COL6A2: variants seen among roughly 807,000 people sequenced by gnomAD.
The protein encoded by COL6A2 is collagen alpha-2(VI) chain.
In COL6A2, 90 loss-of-function variants were observed where a neutral mutation model predicts 124.9. The ratio of observed to expected loss-of-function variants is 0.72; its 90% CI spans 0.61 to 0.86. The LOEUF (loss-of-function observed/expected upper bound fraction) is 0.86. Ranked by LOEUF, COL6A2 falls within the 40% of genes least tolerant of loss-of-function variation. COL6A2 has a pLI of 0.00. For synonymous variants in COL6A2, 793 were observed against 618.2 expected, an observed-to-expected ratio of 1.28 and a Z score of -4.19; for missense variants, 1,607 against 1,502.5, an observed-to-expected ratio of 1.07 and a Z score of -1.15.
At position 46,121,066 on chromosome 21, in the gene COL6A2, C is replaced by G. The variant is rs2078558552; in HGVS notation, c.1401C>G (p.Asp467Glu). The G allele has an allele frequency of 1.2e-6, 2 of 1,612,766 alleles. No homozygotes were observed. The highest frequency in any genetic ancestry group is 8.5e-7 in the Non-Finnish European group (1 of 1,179,914). The part of the protein sequence containing the change: ...GEVGNKGAKG[D>E]RGLPGPRGPQ... Reference sequence around the variant, plus strand: ...ATTCCTCCCCTTTCTTCCAGGGAGACCGAGGCTTGCCTGGACCCAGAGGCC... The same window carrying G: ...ATTCCTCCCCTTTCTTCCAGGGAGAGCGAGGCTTGCCTGGACCCAGAGGCC... The change falls in exon 17 of 28, where the codon GAC (aspartate) becomes GAG (glutamate). Residue 467 changes from aspartate to glutamate, a missense_variant. Asp to Glu is a conservative substitution (Grantham distance 45). Coordinates refer to ENST00000300527, the MANE Select transcript of COL6A2 (RefSeq NM_001849.4).
chr21:46,098,489 C>T (rs2078250573), intron 1 of COL6A2, among the ~76,000 whole-genome samples: 1 of 151,706 alleles, frequency 6.6e-6, no homozygotes. Context: ...GAGCTCGGTG[C>T]TGGGACCCCC....
chr21:46,117,985 G>A (rs2078502593), intron 12 of COL6A2, 49 bp downstream of exon 12: 4 of 1,567,466 alleles, frequency 2.6e-6, no homozygotes, highest in Admixed American at 3.5e-5. Flanking sequence ...CCAGCTTCCA[G>A]GGGCCTCCTG....
At chr21:46,124,767 C>A in intron 22 of COL6A2, 54 bp downstream of exon 22, 1 of 1,603,200 alleles carries the variant, frequency 6.2e-7, no homozygotes, top group Non-Finnish European at 8.5e-7. Context: ...GGCCAACACA[C>A]ACCCAAGCCT....
intron 5 of COL6A2, 50 bp downstream of exon 5, chr21:46,114,123 A>G: frequency 1.3e-6 from 2 of 1,522,836 alleles, no homozygotes; most frequent in East Asian, 2.2e-5. Context: ...GAAGCCCCTG[A>G]TTTGTTTTGA....
chr21:46,118,903 C>T, intron 13 of COL6A2, 127 bp from the exon 14 acceptor site: 5 of 941,004 alleles, frequency 5.3e-6, no homozygotes, highest in Non-Finnish European at 8.5e-6. Context: ...CCCTGCAGGG[C>T]CCCCATGTGC....
At chr21:46,129,859 T>G in intron 27 of COL6A2, 1 of 1,048,370 alleles carries the variant, frequency 9.5e-7, no homozygotes, top group Non-Finnish European at 1.2e-6. Flanking sequence ...CTCCAGGGTT[T>G]GGGTGTGGAA....
chr21:46,114,504 G>A (rs1340557962), intron 5 of COL6A2, among the ~76,000 whole-genome samples: 1 of 151,884 alleles, frequency 6.6e-6, no homozygotes, highest in Non-Finnish European at 1.5e-5. Flanking sequence ...TGTCCCTGGA[G>A]AAACTAAAAC....
intron 27 of COL6A2, chr21:46,128,977 G>C: frequency 6.2e-7 from 1 of 1,608,768 alleles, no homozygotes; most frequent in Non-Finnish European, 8.5e-7. Flanking sequence ...CACCGTGCGG[G>C]TCTCCTAGCT....
chr21:46,125,293 G>A lies in COL6A2; in HGVS notation c.1798G>A (p.Glu600Lys). The A allele has an allele frequency of 1.9e-6, 3 of 1,611,930 alleles. No individual in the cohort carries two copies. Among genetic ancestry groups the A allele is most frequent in the Non-Finnish European group, 2.5e-6 (3 of 1,179,388 alleles). The change falls in exon 24 of 28, where the codon GAG becomes AAG. Residue 600 changes from glutamate to lysine, a missense_variant. Glu to Lys is a moderately conservative substitution (Grantham distance 56). Transcript: ENST00000300527. ...GTGTGACGTCATGACCTACGTGAGGGAGACCTGCGGGTGCTGCGGTGAGGC... is the reference window on the plus strand; with the variant it reads ...GTGTGACGTCATGACCTACGTGAGGAAGACCTGCGGGTGCTGCGGTGAGGC... ...TECDVMTYVR[E>K]TCGCCDCEKR...
intron 1 of COL6A2, among the ~76,000 whole-genome samples, chr21:46,107,625 G>C (rs1189246121): frequency 1.3e-5 from 2 of 152,098 alleles, no homozygotes; most frequent in Non-Finnish European, 2.9e-5. Context: ...TTGTCTCTAA[G>C]GGCAGCCACT....
At chr21:46,120,878 A>G (rs899121181) in intron 16 of COL6A2, among the ~76,000 whole-genome samples, 183 bp from the exon 17 acceptor site, 2 of 151,982 alleles carry the variant, frequency 1.3e-5, no homozygotes, top group Non-Finnish European at 2.9e-5. Flanking sequence ...AACCCAGCCT[A>G]CTCCACTCAG....
chr21:46,123,808 GTGGGTGGATGAATGGA>G (rs1212955725), intron 21 of COL6A2, among the ~76,000 whole-genome samples: 4 of 144,698 alleles, frequency 2.8e-5, no homozygotes, highest in East Asian at 2.3e-4. Context: ...GGGTTAGTGG[GTGGGTGGATGAATGGA>G]TGGGTGCATA....
chr21:46,131,942 G>T lies in COL6A2; in HGVS notation c.2462-12G>T. The stretch of plus-strand genomic sequence containing the variant: ...TCCCCTCCGCCCAGCCCGCACCTGC[G>T]TCTCCCCACAGAGCTGTCCGTGGCA... On this transcript the variant is annotated splice_polypyrimidine_tract_variant and intron_variant, in intron 27 of 27. Coordinates refer to ENST00000300527, the MANE Select transcript of COL6A2 (RefSeq NM_001849.4). The T allele has an allele frequency of 1.3e-6, 2 of 1,587,838 alleles. No homozygotes were observed.
At chr21:46,125,058 G>T in intron 23 of COL6A2, 138 bp downstream of exon 23, 1 of 1,250,224 alleles carries the variant, frequency 8.0e-7, no homozygotes, top group Non-Finnish European at 1.2e-6. Flanking sequence ...AGGTCAGAGA[G>T]CAAGCTTGGT....
chr21:46,126,171 A>C lies in COL6A2; in HGVS notation c.2356A>C (p.Met786Leu). ...CGACAAGCCACAGCAGGTGCGCAAC[A>C]TGACGCTGTTCTCCGACCTGGTCGC... is the stretch of plus-strand genomic sequence containing the variant. ...ACDKPQQVRNMTLFSDLVAEK... is the reference protein window; with the variant it reads ...ACDKPQQVRNLTLFSDLVAEK... Residue 786 changes from methionine (M) to leucine (L), a missense_variant, in exon 26 of 28, where the codon ATG becomes CTG. This residue lies in a region of COL6A2 where 1,223 missense variants were observed against 1,052.2 expected (regional missense o/e 1.16). Transcript: ENST00000300527. 3 of 1,608,600 alleles carry C rather than the reference A, an allele frequency of 1.9e-6. No homozygotes were observed. Among genetic ancestry groups the C allele is most frequent in the Non-Finnish European group, 2.5e-6 (3 of 1,179,952 alleles).
At chr21:46,103,763 A>C (rs1381579755) in intron 1 of COL6A2, among the ~76,000 whole-genome samples, 1 of 151,736 alleles carries the variant, frequency 6.6e-6, no homozygotes, top group Non-Finnish European at 1.5e-5. Flanking sequence ...ATCTTGTATG[A>C]TGTAGATCTT....
Position 46,125,322 on chromosome 21 carries a change from G to A in COL6A2, c.1816+11G>A. 6.2e-7 allele frequency: 1 copy of A among 1,609,028 alleles called. No individual in the cohort carries two copies. The highest frequency in any genetic ancestry group is 8.5e-7 in the Non-Finnish European group (1 of 1,177,580). On this transcript the variant is annotated intron_variant, in intron 24 of 27. Coordinates refer to ENST00000300527, the MANE Select transcript of COL6A2 (RefSeq NM_001849.4). ...CCTGCGGGTGCTGCGGTGAGGCACTGCCCACGGCAGGGTCGGGGCCCATGC... is the reference window on the plus strand; with the variant it reads ...CCTGCGGGTGCTGCGGTGAGGCACTACCCACGGCAGGGTCGGGGCCCATGC...
intron 15 of COL6A2, 50 bp downstream of exon 15, chr21:46,119,900 G>C (rs1204055788): frequency 1.3e-6 from 2 of 1,513,798 alleles, no homozygotes; most frequent in Non-Finnish European, 1.8e-6. Flanking sequence ...GTGCCCATGG[G>C]CCCTGCTGAC....
chr21:46,123,709 ATGGGTGGG>A (rs1392011549), intron 21 of COL6A2, among the ~76,000 whole-genome samples: 1 of 52,330 alleles, frequency 1.9e-5, no homozygotes, highest in Non-Finnish European at 4.2e-5. Flanking sequence ...GGGTAGATGG[ATGGGTGGG>A]TGGGCGAGTG....
Sources: gnomAD v4.1 joint callset for allele counts (sites outside exome capture counted in the v4.1 genomes callset) on GRCh38, gnomAD v4.1.1 for gene constraint, gnomAD v4.1.1 regional missense constraint, MANE v1.5 for transcripts, NCBI Gene and HGNC (gene_info 2026-07-23, HGNC 2026-07-21) for gene names.